The following RANGAP1 variants were observed in gnomAD, a reference collection of about 807,000 sequenced individuals.
RANGAP1 encodes Ran GTPase activating protein 1, also known as ran GTPase-activating protein 1.
RANGAP1 carries 38 observed loss-of-function variants against 63.5 expected under a neutral mutation model. That is an observed-to-expected ratio of 0.60 (90% CI 0.46 to 0.78). The LOEUF is 0.78. Among genes scored for constraint, RANGAP1 ranks in the 30% least tolerant of loss-of-function variants. RANGAP1 has a pLI of 0.00. For missense variants in RANGAP1, 630 were observed against 740.3 expected, an observed-to-expected ratio of 0.85 and a Z score of 1.73; for synonymous variants, 329 against 310.5, an observed-to-expected ratio of 1.06 and a Z score of -0.63.
chr22:41,256,057 T>G lies in RANGAP1; in HGVS notation c.1037A>C (p.Glu346Ala). ...CAGCACCTTGGCCATGTTGAAGCCC[T>G]CCAGCACCTCCTGAAGCTGTTCACA... ...EGCEQLQEVL[E>A]GFNMAKVLAS... Residue 346 changes from glutamate to alanine, a missense_variant, in exon 10 of 16, where the codon GAG becomes GCG. Physicochemically the swap from Glu to Ala is moderately radical, Grantham distance 107. Coordinates refer to ENST00000356244, the MANE Select transcript of RANGAP1 (RefSeq NM_002883.4). 1 of 1,614,034 alleles carries G rather than the reference T, an allele frequency of 6.2e-7. No individual in the cohort carries two copies. Among genetic ancestry groups the G allele is most frequent in the Non-Finnish European group, 8.5e-7 (1 of 1,180,018 alleles).
chr22:41,281,087 G>A lies in RANGAP1; in HGVS notation c.-38-5C>T, dbSNP rs1284561927. On this transcript the variant is annotated splice_region_variant and splice_polypyrimidine_tract_variant and intron_variant, in intron 1 of 15. Transcript: ENST00000356244. ...GCTCCCCTGGAGATCTGCAGACTGA[G>A]GAGGCCAAAGTTGCAGTAAGAAAAA... The A allele has an allele frequency of 6.5e-7, 1 of 1,535,880 alleles. No individual in the cohort carries two copies.
Position 41,273,085 on chromosome 22 carries a change from C to A in RANGAP1, c.240+1515G>T, listed in dbSNP as rs112719273. 2.6e-5 allele frequency among the ~76,000 whole-genome samples: 4 copies of A among 152,212 alleles called. No homozygotes were observed. In the South Asian group the frequency reaches 8.3e-4, roughly 32 times the overall value. On this transcript the variant is annotated intron_variant, in intron 3 of 15. Transcript: ENST00000356244. ...TGCTGGGATTATAGCTGTGAGCCAT[C>A]GTGCCCGACTGATCGTGGCTATTTA... is the stretch of plus-strand genomic sequence containing the variant.
At chr22:41,290,156 A>AG (rs1341756333), upstream of RANGAP1, among the ~76,000 whole-genome samples, 3 of 150,464 alleles carry the variant, frequency 2.0e-5, no homozygotes, top group Non-Finnish European at 2.9e-5. Context: ...AGAAAAAAAA[A>AG]AAAGAGAGAG....
At chr22:41,251,853 T>G (rs928947278) in intron 12 of RANGAP1, among the ~76,000 whole-genome samples, 6 of 152,056 alleles carry the variant, frequency 3.9e-5, no homozygotes, top group Admixed American at 6.6e-5. Context: ...CACAAGAAAG[T>G]GATGAATGGT....
the RANGAP1 span, among the ~76,000 whole-genome samples, chr22:41,297,426 T>G: frequency 6.6e-6 from 1 of 152,006 alleles, no homozygotes; most frequent in Non-Finnish European, 1.5e-5. Context: ...GCACCCAGAA[T>G]GTTTGACCAA....
intron 5 of RANGAP1, 51 bp downstream of exon 5, chr22:41,264,613 C>A: frequency 6.4e-7 from 1 of 1,560,002 alleles, no homozygotes; most frequent in South Asian, 1.2e-5. Flanking sequence ...ATATGTCAGA[C>A]GGATGTGGAT....
At chr22:41,285,575 G>A in intron 1 of RANGAP1, 2 of 985,444 alleles carry the variant, frequency 2.0e-6, no homozygotes, top group Admixed American at 6.1e-5. Context: ...GCCAGCCCGG[G>A]GCCCCCGCGG....
rs547381609 is a variant in RANGAP1, at chr22:41,254,419, A to C, written c.1149T>G (p.Asp383Glu). The C allele has an allele frequency of 6.8e-6, 11 of 1,609,554 alleles. No individual in the cohort carries two copies. The highest frequency in any genetic ancestry group is 1.7e-5 in the Admixed American group (1 of 59,552). The change falls in exon 11 of 16, where the codon GAT (aspartate) becomes GAG (glutamate). Residue 383 changes from aspartate (D) to glutamate (E), a missense_variant. Asp to Glu is a conservative substitution (Grantham distance 45, BLOSUM62 2). Coordinates refer to ENST00000356244, the MANE Select transcript of RANGAP1 (RefSeq NM_002883.4). ...EEEAEEEEEE[D>E]EEEEEEEEEE... is the part of the protein sequence containing the mutation. The stretch of plus-strand genomic sequence containing the variant: ...CCTCCTCTTCTTCCTCCTCTTCCTC[A>C]TCTTCCTCCTCCTCTTCTTCTGCTT...
the RANGAP1 span, among the ~76,000 whole-genome samples, chr22:41,299,750 T>A: frequency 6.6e-6 from 1 of 151,788 alleles, no homozygotes; most frequent in Non-Finnish European, 1.5e-5. Context: ...CCTGGCCCTT[T>A]TCTTTTTCTT....
chr22:41,276,493 G>T (rs1299834980), intron 2 of RANGAP1, among the ~76,000 whole-genome samples: 2 of 151,912 alleles, frequency 1.3e-5, no homozygotes, highest in Non-Finnish European at 2.9e-5. Context: ...ACAAAAATTA[G>T]CCGGGTGTGG....
In RANGAP1 at chr22:41,256,229, A is replaced by G. The variant is rs1391917700; in HGVS notation, c.950T>C (p.Met317Thr). ...CTTCTCCAGCTCAGCTTTGTCTGCCATGGCCTCAGCAACAGCCAGGGCAGC... is the reference window on the plus strand; with the variant it reads ...CTTCTCCAGCTCAGCTTTGTCTGCCGTGGCCTCAGCAACAGCCAGGGCAGC... ...RDAALAVAEA[M>T]ADKAELEKLD... Residue 317 changes from methionine to threonine, a missense_variant, in exon 9 of 16, where the codon ATG becomes ACG. This residue lies in a region of RANGAP1 where 428 missense variants were observed against 465.5 expected (regional missense o/e 0.92). Transcript: ENST00000356244. 6.2e-7 allele frequency: 1 copy of G among 1,614,164 alleles called. No individual in the cohort carries two copies. The highest frequency in any genetic ancestry group is 1.7e-5 in the Admixed American group (1 of 60,014).
At chr22:41,263,932 C>A (rs996723094) in intron 5 of RANGAP1, among the ~76,000 whole-genome samples, 8 of 152,256 alleles carry the variant, frequency 5.3e-5, no homozygotes, top group Non-Finnish European at 1.2e-4. Flanking sequence ...TGTGGAAAAA[C>A]TGGGATGGCA....
At chr22:41,265,623 G>A (rs182072923) in intron 4 of RANGAP1, among the ~76,000 whole-genome samples, 2 of 152,314 alleles carry the variant, frequency 1.3e-5, no homozygotes, top group East Asian at 3.9e-4. Flanking sequence ...GCCACGGCCA[G>A]GATCAGCTTT....
At chr22:41,249,499 G>C in intron 14 of RANGAP1, 48 bp from the exon 15 acceptor site, 1 of 1,611,098 alleles carries the variant, frequency 6.2e-7, no homozygotes, top group Non-Finnish European at 8.5e-7. Flanking sequence ...AGTCACCTGG[G>C]GGGGCCCCTG....
intron 3 of RANGAP1, among the ~76,000 whole-genome samples, chr22:41,269,428 T>A (rs1238331495): frequency 6.6e-6 from 1 of 152,172 alleles, no homozygotes; most frequent in East Asian, 1.9e-4. Flanking sequence ...ATTAATCTAT[T>A]ATATATTTCA....
At chr22:41,285,744 G>C in intron 1 of RANGAP1, 1 of 938,618 alleles carries the variant, frequency 1.1e-6, no homozygotes, top group Non-Finnish European at 1.3e-6. Flanking sequence ...GCTAGCAGCT[G>C]CAGGCTGAGC....
intron 3 of RANGAP1, among the ~76,000 whole-genome samples, chr22:41,273,528 G>C (rs1178861042): frequency 6.6e-6 from 1 of 152,012 alleles, no homozygotes; most frequent in Non-Finnish European, 1.5e-5. Flanking sequence ...AGCACATTGG[G>C]AGGCCAAGGC....
upstream of RANGAP1, among the ~76,000 whole-genome samples, chr22:41,289,665 TTCTC>T (rs1358715707): frequency 1.3e-5 from 2 of 152,136 alleles, no homozygotes; most frequent in African/African-American, 4.8e-5. Flanking sequence ...CACACTTATC[TTCTC>T]TCTTTCTCCT....
chr22:41,250,293 G>A (rs994058007), intron 13 of RANGAP1, among the ~76,000 whole-genome samples: 3 of 152,324 alleles, frequency 2.0e-5, no homozygotes, highest in South Asian at 2.1e-4. Context: ...ACCTCCTTCC[G>A]AGCCTCATTT....
Sources: gnomAD v4.1 joint callset for allele counts (sites outside exome capture counted in the v4.1 genomes callset) on GRCh38, gnomAD v4.1.1 for gene constraint, gnomAD v4.1.1 regional missense constraint, MANE v1.5 for transcripts, NCBI Gene and HGNC (gene_info 2026-07-23, HGNC 2026-07-21) for gene names.